XRCC4: variants seen among roughly 807,000 people sequenced by gnomAD.
The protein encoded by XRCC4 is X-ray repair cross complementing 4, also known as DNA repair protein XRCC4.
In XRCC4, 28 loss-of-function variants were observed where a neutral mutation model predicts 39.1. The ratio of observed to expected loss-of-function variants is 0.72; its 90% CI spans 0.53 to 0.98. XRCC4 has a LOEUF of 0.98. XRCC4 is among the 50% of genes least tolerant of loss of function. XRCC4 has a pLI of 0.00. For missense variants in XRCC4, 350 were observed against 376.4 expected (o/e 0.93, Z 0.58); for synonymous variants, 123 against 126.4 (o/e 0.97, Z 0.18).
At chr5:83,134,587 T>G (rs895197019) in intron 3 of XRCC4, among the ~76,000 whole-genome samples, 6 of 152,054 alleles carry the variant, frequency 3.9e-5, no homozygotes, top group African/African-American at 1.4e-4. Flanking sequence ...TCTGCAAAAT[T>G]GACCAATCAG....
At chr5:83,312,905 A>G (rs1168801851) in intron 7 of XRCC4, among the ~76,000 whole-genome samples, 2 of 152,118 alleles carry the variant, frequency 1.3e-5, no homozygotes, top group African/African-American at 4.8e-5. Flanking sequence ...GACTTTAGTA[A>G]AGTCATTGGA....
intron 7 of XRCC4, among the ~76,000 whole-genome samples, chr5:83,270,897 T>G (rs1474834926): frequency 3.9e-5 from 6 of 151,914 alleles, no homozygotes; most frequent in African/African-American, 1.2e-4. Context: ...GCGATTCTCC[T>G]GCCTCAGCCT....
At position 83,281,832 on chromosome 5, in the gene XRCC4, G is replaced by T. The variant is rs201662144; in HGVS notation, c.893+23155G>T. Among the ~76,000 whole-genome samples, 15 of 152,096 alleles carry T rather than the reference G, an allele frequency of 9.9e-5. 1 individual carries two copies. In the East Asian group the frequency reaches 1.7e-3, roughly 18 times the overall value. On this transcript the variant is annotated intron_variant, in intron 7 of 7. Coordinates refer to ENST00000396027, the MANE Select transcript of XRCC4 (RefSeq NM_003401.5). ...TCTCTCCTGCCCTTTTCATTTCTTT[G>T]TCTCACTAAAAGTGCCAAGTAACAA...
chr5:83,187,483 C>G (rs1750506236), intron 3 of XRCC4, among the ~76,000 whole-genome samples: 1 of 152,104 alleles, frequency 6.6e-6, no homozygotes, highest in Non-Finnish European at 1.5e-5. Context: ...TTGTAGACAT[C>G]TTTGGGGGAA....
intron 6 of XRCC4, among the ~76,000 whole-genome samples, chr5:83,225,425 C>A (rs1752249888): frequency 6.6e-6 from 1 of 151,632 alleles, no homozygotes; most frequent in African/African-American, 2.4e-5. Context: ...CCTTTTGATC[C>A]AAAAGGGATA....
chr5:83,374,282 A>C, the XRCC4 span, among the ~76,000 whole-genome samples: 2 of 152,290 alleles, frequency 1.3e-5, no homozygotes, highest in South Asian at 4.1e-4. Context: ...TTTCCCTGAT[A>C]CTGTTCTCAT....
At chr5:83,328,796 C>G (rs998939949) in intron 7 of XRCC4, among the ~76,000 whole-genome samples, 13 of 151,870 alleles carry the variant, frequency 8.6e-5, no homozygotes, top group South Asian at 6.2e-4. Context: ...GGATAGACAA[C>G]AGATAAAGGA....
At chr5:83,124,265 C>G (rs1747153077) in intron 3 of XRCC4, among the ~76,000 whole-genome samples, 1 of 152,112 alleles carries the variant, frequency 6.6e-6, no homozygotes, top group African/African-American at 2.4e-5. Context: ...TTGTGTTACC[C>G]CCTTTATATT....
chr5:83,128,416 T>C (rs1418214928), intron 3 of XRCC4, among the ~76,000 whole-genome samples: 5 of 152,186 alleles, frequency 3.3e-5, no homozygotes, highest in Admixed American at 2.6e-4. Context: ...CTATTGTGAA[T>C]AATGCCGCAA....
chr5:83,082,985 T>C (rs1238619722), intron 1 of XRCC4, among the ~76,000 whole-genome samples: 1 of 144,788 alleles, frequency 6.9e-6, no homozygotes, highest in Non-Finnish European at 1.5e-5. Flanking sequence ...TGACTGCTGC[T>C]TCTTTCTAGA....
At chr5:83,208,466 C>G (rs1316066302) in intron 6 of XRCC4, among the ~76,000 whole-genome samples, 3 of 151,938 alleles carry the variant, frequency 2.0e-5, no homozygotes. Flanking sequence ...TACTTTTATG[C>G]ATATATCCAG....
intron 7 of XRCC4, among the ~76,000 whole-genome samples, chr5:83,292,104 T>C (rs920767292): frequency 2.6e-5 from 4 of 151,708 alleles, no homozygotes; most frequent in African/African-American, 9.7e-5. Flanking sequence ...TTATTATTTC[T>C]TATAGAGCAG....
In XRCC4 at chr5:83,195,810, C is replaced by A. The variant is rs768175717; in HGVS notation, c.356C>A (p.Pro119Gln). The change falls in exon 4 of 8, where the codon CCA (proline) becomes CAA (glutamine). Residue 119 changes from proline (P) to glutamine (Q), a missense_variant. Transcript: ENST00000396027. Reference sequence around the variant, plus strand: ...TTCAACCTAGAGAAAGTTGAAAACCCAGCTGAAGTCATTAGAGAACTTATT... The same window carrying A: ...TTCAACCTAGAGAAAGTTGAAAACCAAGCTGAAGTCATTAGAGAACTTATT... ...GSFNLEKVEN[P>Q]AEVIRELICY... The A allele has an allele frequency of 2.4e-5, 38 of 1,609,468 alleles. No individual in the cohort carries two copies. The South Asian group carries it at 3.7e-4, about 15-fold the overall frequency.
At chr5:83,275,535 T>C (rs1188840038) in intron 7 of XRCC4, among the ~76,000 whole-genome samples, 2 of 152,074 alleles carry the variant, frequency 1.3e-5, no homozygotes, top group Non-Finnish European at 2.9e-5. Context: ...GACCTCGTGA[T>C]CCGCCCGCCT....
chr5:83,307,021 A>G (rs1580491348), intron 7 of XRCC4, among the ~76,000 whole-genome samples: 1 of 152,150 alleles, frequency 6.6e-6, no homozygotes, highest in East Asian at 1.9e-4. Flanking sequence ...CAGAGCCTCT[A>G]CTACGCCAGA....
chr5:83,145,118 A>G (rs1244566030), intron 3 of XRCC4, among the ~76,000 whole-genome samples: 1 of 152,090 alleles, frequency 6.6e-6, no homozygotes, highest in East Asian at 1.9e-4. Context: ...GATGGTCTCC[A>G]TCTCCTGACC....
intron 2 of XRCC4, among the ~76,000 whole-genome samples, chr5:83,106,740 C>A (rs539184997): frequency 6.6e-6 from 1 of 151,952 alleles, no homozygotes; most frequent in South Asian, 2.1e-4. Context: ...CTGATTTATA[C>A]TGAGGGTAAG....
At chr5:83,346,231 A>G (rs1031925945) in intron 7 of XRCC4, among the ~76,000 whole-genome samples, 3 of 152,192 alleles carry the variant, frequency 2.0e-5, no homozygotes, top group African/African-American at 4.8e-5. Context: ...AAAGTAGTCT[A>G]TGCTGAACTA....
At chr5:83,237,933 T>A (rs1184022388) in intron 6 of XRCC4, among the ~76,000 whole-genome samples, 2 of 152,090 alleles carry the variant, frequency 1.3e-5, no homozygotes, top group Non-Finnish European at 2.9e-5. Flanking sequence ...CAAAAAAATT[T>A]AAATAAAATA....
Sources: gnomAD v4.1 joint callset for allele counts (sites outside exome capture counted in the v4.1 genomes callset) on GRCh38, gnomAD v4.1.1 for gene constraint, MANE v1.5 for transcripts, NCBI Gene and HGNC (gene_info 2026-07-23, HGNC 2026-07-21) for gene names.